Variants in GORAB observed in about 807,000 individuals in gnomAD.
GORAB encodes RAB6-interacting golgin.
Under a neutral mutation model 29.9 loss-of-function variants are expected in GORAB, and 17 were observed. The observed-to-expected ratio is 0.57, with a 90% CI of 0.39 to 0.85. The LOEUF (loss-of-function observed/expected upper bound fraction) is 0.85, where lower values mean the gene tolerates loss of function less well. GORAB is among the 40% of genes least tolerant of loss of function. GORAB has a pLI of 0.00. For missense variants in GORAB, 442 were observed against 437.8 expected (o/e 1.01, Z -0.09); for synonymous variants, 183 against 157.2 (o/e 1.16, Z -1.23).
At position 170,553,446 on chromosome 1, in the gene GORAB, A is replaced by T; in HGVS notation, c.*984A>T. Reference sequence around the variant, plus strand: ...AATAAATATTGTAATTTTCTCACAAAGTCTGTGAATATCACATTATGATTT... The same window carrying T: ...AATAAATATTGTAATTTTCTCACAATGTCTGTGAATATCACATTATGATTT... On this transcript the variant is annotated 3_prime_UTR_variant, in exon 5 of 5. Transcript: ENST00000367763. 1 of 446,788 alleles carries T rather than the reference A, an allele frequency of 2.2e-6. No individual in the cohort carries two copies. Among genetic ancestry groups the T allele is most frequent in the Non-Finnish European group, 4.5e-6 (1 of 224,560 alleles). 27.7% of individuals were successfully genotyped at this position (446,788 alleles called of 1,614,324 possible). A position where few individuals can be genotyped will look rare whatever the true frequency, so the allele number is the denominator to read the frequency against.
At chr1:170,542,089 T>G (rs1223725132) in intron 2 of GORAB, among the ~76,000 whole-genome samples, 1 of 152,242 alleles carries the variant, frequency 6.6e-6, no homozygotes, top group African/African-American at 2.4e-5. Flanking sequence ...TATAGAAAAC[T>G]CTAAAAGGTA....
Position 170,553,760 on chromosome 1 carries a change from T to C in GORAB, c.*1298T>C, listed in dbSNP as rs185248405. On this transcript the variant is annotated 3_prime_UTR_variant, in exon 5 of 5. Transcript: ENST00000367763. ...TTCTATAGATAGTTGTGCTTTTATTTATGAAATACATAAAAGCCAACAGTT... is the reference window on the plus strand; with the variant it reads ...TTCTATAGATAGTTGTGCTTTTATTCATGAAATACATAAAAGCCAACAGTT... 2.9e-4 allele frequency: 131 copies of C among 453,196 alleles called. 1 individual carries two copies. The East Asian group carries it at 7.5e-3, about 26-fold the overall frequency. 28.1% of individuals were successfully genotyped at this position (453,196 alleles called of 1,614,324 possible). A position where few individuals can be genotyped will look rare whatever the true frequency, so the allele number is the denominator to read the frequency against.
At position 170,553,386 on chromosome 1, in the gene GORAB, C is replaced by T. The variant is rs1254862635; in HGVS notation, c.*924C>T. ...GTTTGTTAATTGCCTGTTACTAGTA[C>T]TTGACCAATACATTGTGCTATATGT... On this transcript the variant is annotated 3_prime_UTR_variant, in exon 5 of 5. Coordinates refer to ENST00000367763, the MANE Select transcript of GORAB (RefSeq NM_152281.3). 2 of 452,260 alleles carry T rather than the reference C, an allele frequency of 4.4e-6. No individual in the cohort carries two copies. The highest frequency in any genetic ancestry group is 4.0e-5 in the African/African-American group (2 of 49,958). 28.0% of individuals were successfully genotyped at this position (452,260 alleles called of 1,614,324 possible). A position where few individuals can be genotyped will look rare whatever the true frequency, so the allele number is the denominator to read the frequency against.
chr1:170,539,453 G>A lies in GORAB; in HGVS notation c.305G>A (p.Gly102Asp). The A allele has an allele frequency of 1.2e-6, 2 of 1,614,086 alleles. No individual in the cohort carries two copies. The highest frequency in any genetic ancestry group is 8.5e-7 in the Non-Finnish European group (1 of 1,179,996). ...CCCGTTGGTGATGGACAACCACAGG[G>A]CATTGAAAGTCAGCCAAAGGAACTG... ...TSPVGDGQPQGIESQPKELGL... is the reference protein window; with the variant it reads ...TSPVGDGQPQDIESQPKELGL... Residue 102 changes from glycine (G) to aspartate (D), a missense_variant, in exon 2 of 5, where the codon GGC becomes GAC. Coordinates refer to ENST00000367763, the MANE Select transcript of GORAB (RefSeq NM_152281.3).
rs1649661050 is a variant in GORAB, at chr1:170,544,853, G to A, written c.662+8G>A. The A allele has an allele frequency of 6.2e-7, 1 of 1,604,682 alleles. No individual in the cohort carries two copies. Among genetic ancestry groups the A allele is most frequent in the South Asian group, 1.1e-5 (1 of 90,582 alleles). ...AGACTATTCATACGCTCGGTGAGTT[G>A]GGGAAATTGAATCTGAACAAGGAGT... On this transcript the variant is annotated splice_region_variant and intron_variant, in intron 4 of 4. Coordinates refer to ENST00000367763, the MANE Select transcript of GORAB (RefSeq NM_152281.3).
intron 1 of GORAB, chr1:170,536,393 A>T (rs1649062830): frequency 6.6e-6 from 1 of 152,234 alleles, no homozygotes; most frequent in African/African-American, 2.4e-5. Flanking sequence ...ACCAAGGAGC[A>T]GAGAATTACA....
intron 1 of GORAB, among the ~76,000 whole-genome samples, chr1:170,534,582 C>G (rs1648934014): frequency 6.6e-6 from 1 of 152,108 alleles, no homozygotes; most frequent in Non-Finnish European, 1.5e-5. Context: ...TGGTGATGGT[C>G]TGGTAATATT....
intron 4 of GORAB, among the ~76,000 whole-genome samples, chr1:170,546,995 A>G (rs944511091): frequency 2.6e-5 from 4 of 152,074 alleles, no homozygotes; most frequent in Admixed American, 6.5e-5. Flanking sequence ...ATGTGCTGCT[A>G]TTTTCAAAAG....
At chr1:170,542,422 A>G in intron 2 of GORAB, 69 bp from the exon 3 acceptor site, 1 of 860,332 alleles carries the variant, frequency 1.2e-6, no homozygotes, top group Non-Finnish European at 2.0e-6. Flanking sequence ...GAGACTGGTA[A>G]GGTGTTGGAT....
rs147430977 is a variant in GORAB at position 170,552,095 on chromosome 1, T to A, written c.743T>A (p.Leu248His). 3.1e-6 allele frequency: 5 copies of A among 1,613,918 alleles called. No individual in the cohort carries two copies. The African/African-American group carries it at 6.7e-5, about 22-fold the overall frequency. The change falls in exon 5 of 5, where the codon CTC becomes CAC. Residue 248 changes from leucine to histidine, a missense_variant. Leu to His is a moderately conservative substitution (Grantham distance 99, BLOSUM62 -3). Transcript: ENST00000367763. ...CGCAAGACTGAGATAAAAGAGCAAC[T>A]CACTGAACACCTTTGTACGATCATA... is the stretch of plus-strand genomic sequence containing the variant. ...IQRKTEIKEQ[L>H]TEHLCTIIQQ... is the part of the protein sequence containing the mutation.
chr1:170,545,588 T>G (rs1649709416), intron 4 of GORAB: 3 of 985,418 alleles, frequency 3.0e-6, no homozygotes, highest in Non-Finnish European at 2.4e-6. Flanking sequence ...CAACATTGCT[T>G]TAATCATCCT....
intron 1 of GORAB, among the ~76,000 whole-genome samples, chr1:170,538,079 A>G (rs574755189): frequency 1.3e-5 from 2 of 152,294 alleles, no homozygotes; most frequent in Non-Finnish European, 2.9e-5. Flanking sequence ...TTTAAAAAAT[A>G]TTTTCTGTAC....
rs541260870 is a variant in GORAB, at chr1:170,541,359, C to T, written c.420-1132C>T. 2.6e-5 allele frequency among the ~76,000 whole-genome samples: 4 copies of T among 152,118 alleles called. No homozygotes were observed. The East Asian group carries it at 7.7e-4, about 29-fold the overall frequency. ...ACTAATGCAGCAAGTTACCATGAAG[C>T]TCTCTGAGGGCTAAAGGCCGCAATC... On this transcript the variant is annotated intron_variant, in intron 2 of 4. Transcript: ENST00000367763.
Position 170,542,499 on chromosome 1 carries a change from A to C in GORAB, c.428A>C (p.Lys143Thr), listed in dbSNP as rs1243185922. Residue 143 changes from lysine (K) to threonine (T), a missense_variant, in exon 3 of 5, where the codon AAA (lysine) becomes ACA (threonine). Lys to Thr is a moderately conservative substitution (Grantham distance 78, BLOSUM62 -1). Transcript: ENST00000367763. ...CTTTTTTTGCCCCCTAGGCAAGAAA[A>C]ATCTCGTTGGGAAGTCCTCCAACAA... ...LEKKKVELQE[K>T]SRWEVLQQEQ... 6.2e-7 allele frequency: 1 copy of C among 1,613,168 alleles called. No individual in the cohort carries two copies. The highest frequency in any genetic ancestry group is 8.5e-7 in the Non-Finnish European group (1 of 1,179,234).
chr1:170,552,108 T>G lies in GORAB; in HGVS notation c.756T>G (p.Leu252=). Residue 252 remains leucine, a synonymous_variant, in exon 5 of 5, where the codon CTT becomes CTG. Coordinates refer to ENST00000367763, the MANE Select transcript of GORAB (RefSeq NM_152281.3). ...TEIKEQLTEH[L]CTIIQQNELR... ...TAAAAGAGCAACTCACTGAACACCT[T>G]TGTACGATCATACAGCAAAATGAGC... 3 of 1,614,080 alleles carry G rather than the reference T, an allele frequency of 1.9e-6. No homozygotes were observed. Among genetic ancestry groups the G allele is most frequent in the Non-Finnish European group, 2.5e-6 (3 of 1,179,978 alleles).
chr1:170,543,117 T>G (rs781082684), intron 3 of GORAB, among the ~76,000 whole-genome samples: 3 of 152,212 alleles, frequency 2.0e-5, no homozygotes, highest in Non-Finnish European at 4.4e-5. Context: ...AGGGTCATTA[T>G]TATGAGCACT....
At chr1:170,537,156 T>G (rs1482779519) in intron 1 of GORAB, among the ~76,000 whole-genome samples, 1 of 152,076 alleles carries the variant, frequency 6.6e-6, no homozygotes. Flanking sequence ...TCTTTGTCTC[T>G]CTTTCTTTTA....
chr1:170,536,476 G>A (rs6669308), intron 1 of GORAB: 142,371 of 152,252 alleles, frequency 0.94, 67,269 homozygotes, highest in East Asian at 1. Flanking sequence ...ACAGTATCGT[G>A]TATTGAAGAG....
chr1:170,547,896 A>T (rs775132361), intron 4 of GORAB, among the ~76,000 whole-genome samples: 4 of 152,232 alleles, frequency 2.6e-5, no homozygotes, highest in Non-Finnish European at 4.4e-5. Context: ...TTAGAAATAT[A>T]TTTTTTACTG....
Sources: gnomAD v4.1 joint callset for allele counts (sites outside exome capture counted in the v4.1 genomes callset) on GRCh38, gnomAD v4.1.1 for gene constraint, MANE v1.5 for transcripts, NCBI Gene and HGNC (gene_info 2026-07-23, HGNC 2026-07-21) for gene names.